Variants in CFAP157 observed in about 807,000 individuals in gnomAD.
CFAP157 encodes cilia and flagella associated protein 157, also known as cilia- and flagella-associated protein 157.
In CFAP157, 43 loss-of-function variants were observed where a neutral mutation model predicts 57.8. The ratio of observed to expected loss-of-function variants is 0.74; its 90% CI spans 0.58 to 0.96. The LOEUF (loss-of-function observed/expected upper bound fraction) is 0.96, where lower values mean the gene tolerates loss of function less well. Ranked by LOEUF, CFAP157 falls within the 40% of genes least tolerant of loss-of-function variation. CFAP157 has a pLI of 0.00. For synonymous variants in CFAP157, 267 were observed against 269.0 expected, an observed-to-expected ratio of 0.99 and a Z score of 0.07; for missense variants, 606 against 655.3, an observed-to-expected ratio of 0.92 and a Z score of 0.82.
rs1842962261 is a variant in CFAP157 at position 127,715,717 on chromosome 9, G to A, written c.*1812G>A. The A allele has an allele frequency of 6.4e-7, 1 of 1,556,672 alleles. No homozygotes were observed. Among genetic ancestry groups the A allele is most frequent in the South Asian group, 1.2e-5 (1 of 86,352 alleles). On this transcript the variant is annotated 3_prime_UTR_variant, in exon 9 of 9. Coordinates refer to ENST00000373295, the MANE Select transcript of CFAP157 (RefSeq NM_001012502.3). The surrounding 1 kb of genome is among the most constrained non-coding windows in gnomAD (Gnocchi z 5.8). ...CCAATCGTGTTGCCAACTGTTTGGC[G>A]TCCACCGCCAACGTCCAATCCGGGC... is the stretch of plus-strand genomic sequence containing the variant.
At chr9:127,712,150 A>G in intron 5 of CFAP157, 49 bp from the exon 6 acceptor site, 14 of 1,605,236 alleles carry the variant, frequency 8.7e-6, no homozygotes, top group Non-Finnish European at 1.0e-5. Flanking sequence ...AGGTGGCCCC[A>G]GTCCTGGGGA....
chr9:127,711,797 T>C, intron 4 of CFAP157, 23 bp from the exon 5 acceptor site: 3 of 1,550,630 alleles, frequency 1.9e-6, no homozygotes. Flanking sequence ...GCTGAGGGCA[T>C]GGCCACCTGT....
At position 127,715,608 on chromosome 9, in the gene CFAP157, T is replaced by C. The variant is rs1167601376; in HGVS notation, c.*1703T>C. On this transcript the variant is annotated 3_prime_UTR_variant, in exon 9 of 9. Coordinates refer to ENST00000373295, the MANE Select transcript of CFAP157 (RefSeq NM_001012502.3). This position sits in a 1 kb window ranked among gnomAD's most constrained non-coding sequence, Gnocchi z 5.8. The stretch of plus-strand genomic sequence containing the variant: ...TCGGCTCATGGCTCTACTCAGCCGC[T>C]GTCCGGCGCCCAAAAAGCCGCCCGG... 7 of 1,612,908 alleles carry C rather than the reference T, an allele frequency of 4.3e-6. No homozygotes were observed. The African/African-American group carries it at 8.0e-5, about 18-fold the overall frequency.
At position 127,711,928 on chromosome 9, in the gene CFAP157, C is replaced by T; in HGVS notation, c.964C>T (p.Gln322Ter). ...SQLEQRSLQL[Q>*]VDNQALKSQR... ...GTTGGAGCAGAGATCCCTGCAGCTG[C>T]AGGTGGATAACCAGGCACTGAAGTG... is the stretch of plus-strand genomic sequence containing the variant. Residue 322 changes from glutamine to a stop codon, truncating the protein, a stop_gained, in exon 5 of 9, where the codon CAG becomes TAG. Transcript: ENST00000373295. LOFTEE classifies it high-confidence loss of function. 1 of 1,606,234 alleles carries T rather than the reference C, an allele frequency of 6.2e-7. No individual in the cohort carries two copies. The highest frequency in any genetic ancestry group is 8.5e-7 in the Non-Finnish European group (1 of 1,177,556).
Position 127,713,857 on chromosome 9 carries a change from A to G in CFAP157, c.1515A>G (p.Lys505=). 1 of 1,613,934 alleles carries G rather than the reference A, an allele frequency of 6.2e-7. No homozygotes were observed. The highest frequency in any genetic ancestry group is 8.5e-7 in the Non-Finnish European group (1 of 1,180,018). Residue 505 remains lysine (K), a synonymous_variant, in exon 9 of 9, where the codon AAA becomes AAG. Coordinates refer to ENST00000373295, the MANE Select transcript of CFAP157 (RefSeq NM_001012502.3). ...AGATGCGTGCCCCTGGTTCTCTAAA[A>G]AGGCTTGAAAAGTTTAGTCTTCCTG... ...SPEMRAPGSL[K]RLEKFSLPEV... is the part of the protein sequence containing the mutation.
intron 1 of CFAP157, among the ~76,000 whole-genome samples, chr9:127,708,169 C>T (rs1184663235): frequency 6.6e-6 from 1 of 152,160 alleles, no homozygotes; most frequent in Non-Finnish European, 1.5e-5. Context: ...TGTTGGTCAA[C>T]TAAATTATGA....
chr9:127,715,811 G>A lies in CFAP157; in HGVS notation c.*1906G>A, dbSNP rs544238861. 10 of 1,314,040 alleles carry A rather than the reference G, an allele frequency of 7.6e-6. No individual in the cohort carries two copies. In the East Asian group the frequency reaches 1.8e-4, roughly 23 times the overall value. The allele number at this position is 1,314,040 out of a possible 1,614,324, so 81.4% of individuals were successfully genotyped here. On this transcript the variant is annotated 3_prime_UTR_variant, in exon 9 of 9. Coordinates refer to ENST00000373295, the MANE Select transcript of CFAP157 (RefSeq NM_001012502.3). This position sits in a 1 kb window ranked among gnomAD's most constrained non-coding sequence, Gnocchi z 5.8. ...GGCGGTGGCCGAGTCCGGGAACCCA[G>A]GCGCCTTCAGTAGCGCGGCGTCACA...
In CFAP157 at chr9:127,714,511, C is replaced by T. The variant is rs1789794414; in HGVS notation, c.*606C>T. The T allele has an allele frequency of 1.3e-6, 2 of 1,598,510 alleles. No individual in the cohort carries two copies. The highest frequency in any genetic ancestry group is 2.2e-5 in the South Asian group (2 of 90,722). On this transcript the variant is annotated 3_prime_UTR_variant, in exon 9 of 9. Transcript: ENST00000373295. ...CTGCCCCGGCTGGGTCAGAGCAGCC[C>T]ATTTCCTGTGGAGACTGGGTCAGCA...
chr9:127,711,578 G>A, intron 4 of CFAP157, 82 bp downstream of exon 4: 2 of 1,524,666 alleles, frequency 1.3e-6, no homozygotes, highest in East Asian at 4.5e-5. Flanking sequence ...GTAGAGTCAG[G>A]GGCAGTCAAG....
rs1311318688 is a variant in CFAP157, at chr9:127,715,743, C to A, written c.*1838C>A. ...TCCACCGCCAACGTCCAATCCGGGC[C>A]GGGCTACGTGGCCGCCATGCTTCTG... On this transcript the variant is annotated 3_prime_UTR_variant, in exon 9 of 9. Transcript: ENST00000373295. The surrounding 1 kb of genome is among the most constrained non-coding windows in gnomAD (Gnocchi z 5.8). 2.6e-6 allele frequency: 4 copies of A among 1,536,618 alleles called. No homozygotes were observed. The highest frequency in any genetic ancestry group is 4.9e-5 in the East Asian group (2 of 40,998).
rs368584117 is a variant in CFAP157, at chr9:127,707,206, C to A, written c.161+14C>A. 6.2e-7 allele frequency: 1 copy of A among 1,606,170 alleles called. No individual in the cohort carries two copies. The highest frequency in any genetic ancestry group is 1.3e-5 in the African/African-American group (1 of 74,834). ...CCGGCTAGCCCGGTGCGTGGGCTGGCGGGCAGGAGTCTGGTGCCCTGGGTC... is the reference window on the plus strand; with the variant it reads ...CCGGCTAGCCCGGTGCGTGGGCTGGAGGGCAGGAGTCTGGTGCCCTGGGTC... On this transcript the variant is annotated intron_variant, in intron 1 of 8. Coordinates refer to ENST00000373295, the MANE Select transcript of CFAP157 (RefSeq NM_001012502.3).
intron 2 of CFAP157, among the ~76,000 whole-genome samples, chr9:127,710,191 C>A (rs1170540133): frequency 6.7e-6 from 1 of 150,172 alleles, no homozygotes; most frequent in Non-Finnish European, 1.5e-5. Context: ...GGGAGGATCT[C>A]TTGAGCCTGG....
In CFAP157 at chr9:127,714,942, C is replaced by A. The variant is rs1285208335; in HGVS notation, c.*1037C>A. The stretch of plus-strand genomic sequence containing the variant: ...CGCGCCCCAACCCCCACCCCCTTGG[C>A]CCGCCCGCCCACCCCTGGCGCTCTC... On this transcript the variant is annotated 3_prime_UTR_variant, in exon 9 of 9. Transcript: ENST00000373295. 2.1e-5 allele frequency: 5 copies of A among 235,298 alleles called. No homozygotes were observed. The highest frequency in any genetic ancestry group is 1.0e-4 in the South Asian group (3 of 28,844). 14.6% of individuals were successfully genotyped at this position (235,298 alleles called of 1,614,324 possible).
rs1842718001 is a variant in CFAP157, at chr9:127,709,613, C to G, written c.353C>G (p.Ala118Gly). The G allele has an allele frequency of 6.2e-7, 1 of 1,613,814 alleles. No homozygotes were observed. Among genetic ancestry groups the G allele is most frequent in the African/African-American group, 1.3e-5 (1 of 74,896 alleles). The change falls in exon 2 of 9, where the codon GCC (alanine) becomes GGC (glycine). Residue 118 changes from alanine to glycine, a missense_variant. Physicochemically the swap from Ala to Gly is moderately conservative, Grantham distance 60. Transcript: ENST00000373295. The surrounding 1 kb of genome is among the most constrained non-coding windows in gnomAD (Gnocchi z 4.7). ...CTAGCCAAAGAGATGGAGAAGGATG[C>G]CTTCGAGGCGCAGCTGGCCCAGGTG... ...LQLAKEMEKD[A>G]FEAQLAQVRH...
In CFAP157 at chr9:127,712,313, G is replaced by A; in HGVS notation, c.1101G>A (p.Leu367=). 1 of 1,614,048 alleles carries A rather than the reference G, an allele frequency of 6.2e-7. No homozygotes were observed. Among genetic ancestry groups the A allele is most frequent in the Non-Finnish European group, 8.5e-7 (1 of 1,180,028 alleles). ...QKVRASLEAA[L]VQATSFLQNI... ...TTCGGGCCAGCCTGGAGGCGGCTCT[G>A]GTCCAGGCCACCTCCTTCCTACAGA... is the stretch of plus-strand genomic sequence containing the variant. Residue 367 remains leucine (L), a synonymous_variant, in exon 6 of 9, where the codon CTG becomes CTA. Transcript: ENST00000373295.
Position 127,709,245 on chromosome 9 carries a change from G to C in CFAP157, c.162-177G>C, listed in dbSNP as rs573362762. 9.2e-5 allele frequency among the ~76,000 whole-genome samples: 14 copies of C among 152,322 alleles called. No individual in the cohort carries two copies. Among genetic ancestry groups the C allele is most frequent in the African/African-American group, 3.4e-4 (14 of 41,582 alleles). On this transcript the variant is annotated intron_variant, in intron 1 of 8. Coordinates refer to ENST00000373295, the MANE Select transcript of CFAP157 (RefSeq NM_001012502.3). This position sits in a 1 kb window ranked among gnomAD's most constrained non-coding sequence, Gnocchi z 4.7. Reference sequence around the variant, plus strand: ...AATAACATGCTAAGCACAGGCATTGGCTGTGGTCATGACTGTCGGACCAAG... The same window carrying C: ...AATAACATGCTAAGCACAGGCATTGCCTGTGGTCATGACTGTCGGACCAAG...
At chr9:127,712,983 GC>G (rs770167060) in intron 7 of CFAP157, 36 bp from the exon 8 acceptor site, 65 of 1,604,572 alleles carry the variant, frequency 4.1e-5, no homozygotes, top group Non-Finnish European at 5.2e-5. Context: ...AACCTGGCTC[GC>G]CGAAGGCTCT....
Position 127,714,346 on chromosome 9 carries a change from C to T in CFAP157, c.*441C>T, listed in dbSNP as rs771263623. 44 of 1,614,030 alleles carry T rather than the reference C, an allele frequency of 2.7e-5. No homozygotes were observed. The highest frequency in any genetic ancestry group is 3.4e-5 in the Non-Finnish European group (40 of 1,180,014). ...GGTGCTGGGGGACCCCTGGCCCACCCGACCCAGTTGCACAACAAAAGGGTA... is the reference window on the plus strand; with the variant it reads ...GGTGCTGGGGGACCCCTGGCCCACCTGACCCAGTTGCACAACAAAAGGGTA... On this transcript the variant is annotated 3_prime_UTR_variant, in exon 9 of 9. Coordinates refer to ENST00000373295, the MANE Select transcript of CFAP157 (RefSeq NM_001012502.3).
At position 127,714,952 on chromosome 9, in the gene CFAP157, C is replaced by A. The variant is rs1485938484; in HGVS notation, c.*1047C>A. 1.1e-6 allele frequency: 1 copy of A among 900,254 alleles called. No homozygotes were observed. The highest frequency in any genetic ancestry group is 1.6e-6 in the Non-Finnish European group (1 of 634,730). 55.8% of individuals were successfully genotyped at this position (900,254 alleles called of 1,614,324 possible). Reference sequence around the variant, plus strand: ...CCCCCACCCCCTTGGCCCGCCCGCCCACCCCTGGCGCTCTCAACTCACCAG... The same window carrying A: ...CCCCCACCCCCTTGGCCCGCCCGCCAACCCCTGGCGCTCTCAACTCACCAG... On this transcript the variant is annotated 3_prime_UTR_variant, in exon 9 of 9. Coordinates refer to ENST00000373295, the MANE Select transcript of CFAP157 (RefSeq NM_001012502.3).
Sources: gnomAD v4.1 joint callset for allele counts (sites outside exome capture counted in the v4.1 genomes callset) on GRCh38, gnomAD v4.1.1 for gene constraint, Gnocchi (gnomAD v3.1) non-coding constraint, MANE v1.5 for transcripts, NCBI Gene and HGNC (gene_info 2026-07-23, HGNC 2026-07-21) for gene names.